SEMA3D: variants seen among roughly 807,000 people sequenced by gnomAD.
SEMA3D encodes semaphorin 3D.
SEMA3D carries 84 observed loss-of-function variants against 100.1 expected under a neutral mutation model. That is an observed-to-expected ratio of 0.84 (90% CI 0.70 to 1.01). The LOEUF (loss-of-function observed/expected upper bound fraction) is 1.01. Ranked by LOEUF, SEMA3D falls within the 50% of genes least tolerant of loss-of-function variation. The pLI is 0.00. For synonymous variants in SEMA3D, 312 were observed against 320.7 expected (o/e 0.97, Z 0.29); for missense variants, 875 against 934.1 (o/e 0.94, Z 0.82).
At chr7:85,016,140 G>T (rs1790093559) in intron 15 of SEMA3D, among the ~76,000 whole-genome samples, 1 of 151,562 alleles carries the variant, frequency 6.6e-6, no homozygotes, top group African/African-American at 2.4e-5. Flanking sequence ...TTGTTTTACT[G>T]AAATTCTCTA....
At chr7:85,040,773 T>A in intron 10 of SEMA3D, 31 bp from the exon 11 acceptor site, 1 of 1,029,488 alleles carries the variant, frequency 9.7e-7, no homozygotes, top group Non-Finnish European at 1.5e-6. Context: ...ATATTTACTC[T>A]TATTTTTCAG....
chr7:85,142,686 T>C, intron 2 of SEMA3D: 1 of 983,228 alleles, frequency 1.0e-6, no homozygotes. Context: ...TTTTTTTTTT[T>C]TTTTTTTAGT....
the SEMA3D span, among the ~76,000 whole-genome samples, chr7:85,202,040 A>G: frequency 1.3e-5 from 2 of 150,712 alleles, no homozygotes; most frequent in African/African-American, 4.9e-5. Context: ...CTCTCTTTTT[A>G]TTTATTTATT....
intron 1 of SEMA3D, chr7:85,163,053 T>C: frequency 2.4e-6 from 2 of 823,700 alleles, no homozygotes; most frequent in Non-Finnish European, 2.9e-6. Flanking sequence ...AAAAGAAGTA[T>C]ATACATATCC....
At chr7:85,090,107 C>A (rs1209246922) in intron 4 of SEMA3D, among the ~76,000 whole-genome samples, 1 of 152,114 alleles carries the variant, frequency 6.6e-6, no homozygotes, top group African/African-American at 2.4e-5. Context: ...GTTTAGTAAG[C>A]ACTGATGTCT....
chr7:85,203,191 T>C, the SEMA3D span, among the ~76,000 whole-genome samples: 2 of 152,208 alleles, frequency 1.3e-5, no homozygotes, highest in Non-Finnish European at 2.9e-5. Context: ...AAATATGCGA[T>C]AGATATCCAG....
chr7:85,247,883 A>G, the SEMA3D span, among the ~76,000 whole-genome samples: 2 of 152,246 alleles, frequency 1.3e-5, no homozygotes, highest in Non-Finnish European at 1.5e-5. Flanking sequence ...TTACCATGCA[A>G]ATTACCTCAA....
intron 3 of SEMA3D, among the ~76,000 whole-genome samples, chr7:85,101,897 C>A (rs902729330): frequency 5.3e-5 from 8 of 151,804 alleles, no homozygotes; most frequent in African/African-American, 1.9e-4. Context: ...TCCATTAAAT[C>A]AGAATTAGTA....
intron 4 of SEMA3D, among the ~76,000 whole-genome samples, chr7:85,089,689 A>G (rs2116274890): frequency 6.6e-6 from 1 of 152,254 alleles, no homozygotes; most frequent in South Asian, 2.1e-4. Context: ...GTTTGAGACC[A>G]GACTGGGCAA....
At chr7:85,005,773 C>T (rs545238756) in intron 18 of SEMA3D, among the ~76,000 whole-genome samples, 10 of 152,000 alleles carry the variant, frequency 6.6e-5, no homozygotes, top group African/African-American at 2.2e-4. Context: ...ACTTGGCCAC[C>T]CACCCACCCA....
intron 1 of SEMA3D, among the ~76,000 whole-genome samples, chr7:85,179,913 A>C (rs998111162): frequency 6.6e-6 from 1 of 152,176 alleles, no homozygotes; most frequent in South Asian, 2.1e-4. Flanking sequence ...CACCTGCCTC[A>C]GCCTCCCAAA....
At chr7:85,026,509 T>C (rs938350636) in intron 12 of SEMA3D, among the ~76,000 whole-genome samples, 4 of 152,042 alleles carry the variant, frequency 2.6e-5, no homozygotes, top group Non-Finnish European at 5.9e-5. Context: ...AATGGGAAGA[T>C]AGTGTGAGAC....
intron 4 of SEMA3D, among the ~76,000 whole-genome samples, chr7:85,092,920 T>C (rs1250955737): frequency 6.6e-6 from 1 of 152,030 alleles, no homozygotes; most frequent in African/African-American, 2.4e-5. Context: ...ATTAGCAGAT[T>C]TTTCAATTTT....
intron 1 of SEMA3D, among the ~76,000 whole-genome samples, chr7:85,181,308 G>A: frequency 7.7e-6 from 1 of 130,304 alleles, no homozygotes; most frequent in Admixed American, 8.3e-5. Flanking sequence ...AAAGAATAAA[G>A]ACATGCTCAC....
intron 4 of SEMA3D, among the ~76,000 whole-genome samples, chr7:85,095,576 A>T (rs766467271): frequency 6.6e-6 from 1 of 152,080 alleles, no homozygotes; most frequent in Non-Finnish European, 1.5e-5. Flanking sequence ...CACTGAGCCA[A>T]TGAAAACCAA....
At chr7:85,157,710 A>G (rs925632212) in intron 1 of SEMA3D, 1 of 898,484 alleles carries the variant, frequency 1.1e-6, no homozygotes, top group Admixed American at 6.2e-5. Context: ...TCTGCTGGGC[A>G]GAGGTGTAGC....
In SEMA3D at chr7:85,009,851, C is replaced by T. The variant is rs531962909; in HGVS notation, c.1769-2910G>A. On this transcript the variant is annotated intron_variant, in intron 17 of 18. Coordinates refer to ENST00000284136, the MANE Select transcript of SEMA3D (RefSeq NM_001384900.1). ...TATTGTGTGCCTAACACACTAACAT[C>T]ATTTTAGGTGCTAGGATAATATGAC... Among the ~76,000 whole-genome samples, 4 of 151,914 alleles carry T rather than the reference C, an allele frequency of 2.6e-5. No individual in the cohort carries two copies. The East Asian group carries it at 7.8e-4, about 30-fold the overall frequency.
At chr7:85,202,089 G>C in the SEMA3D span, among the ~76,000 whole-genome samples, 1 of 150,768 alleles carries the variant, frequency 6.6e-6, no homozygotes, top group Non-Finnish European at 1.5e-5. Context: ...TTAAGTTTTA[G>C]GGTACATGTG....
At chr7:85,104,730 C>CGAACTGGGTGGAGTTGTCA (rs1303787527) in intron 3 of SEMA3D, among the ~76,000 whole-genome samples, 1 of 151,160 alleles carries the variant, frequency 6.6e-6, no homozygotes, top group Non-Finnish European at 1.5e-5. Flanking sequence ...CCAGAGATCC[C>CGAACTGGGTGGAGTTGTCA]GAACTGGGTG....
Sources: allele counts gnomAD v4.1 joint callset (sites outside exome capture counted in the v4.1 genomes callset), GRCh38; gene constraint gnomAD v4.1.1; transcripts MANE v1.5; gene names NCBI Gene and HGNC (gene_info 2026-07-23, HGNC 2026-07-21).